Variants in ZNF385D observed in about 807,000 individuals in gnomAD.
ZNF385D encodes zinc finger protein 659.
Under a neutral mutation model 35.8 loss-of-function variants are expected in ZNF385D, and 15 were observed. The ratio of observed to expected loss-of-function variants is 0.42; its 90% CI spans 0.28 to 0.64. The LOEUF (loss-of-function observed/expected upper bound fraction) is 0.64, where lower values mean the gene tolerates loss of function less well. Among genes scored for constraint, ZNF385D ranks in the 30% least tolerant of loss-of-function variants. ZNF385D has a pLI of 0.23. For missense variants in ZNF385D, 474 were observed against 494.6 expected (o/e 0.96, Z 0.39); for synonymous variants, 212 against 186.8 (o/e 1.13, Z -1.10).
intron 3 of ZNF385D, among the ~76,000 whole-genome samples, chr3:21,894,957 C>T (rs992648955): frequency 6.6e-6 from 1 of 151,904 alleles, no homozygotes. Context: ...AAATCACCAC[C>T]CAGCAAAACA....
At chr3:21,437,789 G>A (rs1404994195) in intron 4 of ZNF385D, among the ~76,000 whole-genome samples, 1 of 145,786 alleles carries the variant, frequency 6.9e-6, no homozygotes, top group Admixed American at 7.0e-5. Flanking sequence ...TATTTGCAAA[G>A]AGTTACAATT....
At chr3:21,553,852 A>T (rs1033287911) in intron 3 of ZNF385D, among the ~76,000 whole-genome samples, 1 of 152,158 alleles carries the variant, frequency 6.6e-6, no homozygotes, top group African/African-American at 2.4e-5. Context: ...CATCTCCTCC[A>T]TGAAAGGAGG....
chr3:21,566,297 TCTC>T (rs1314521650), intron 2 of ZNF385D, among the ~76,000 whole-genome samples: 14 of 152,168 alleles, frequency 9.2e-5, no homozygotes, highest in African/African-American at 3.1e-4. Context: ...AAGCTCAGCC[TCTC>T]CTCATTGTTT....
chr3:21,533,469 T>C (rs1023167056), intron 3 of ZNF385D, among the ~76,000 whole-genome samples: 5 of 152,124 alleles, frequency 3.3e-5, no homozygotes, highest in Non-Finnish European at 7.3e-5. Context: ...ATTAATCCTA[T>C]AGAACGAAAA....
At chr3:21,451,464 T>C (rs1224172796) in intron 4 of ZNF385D, among the ~76,000 whole-genome samples, 1 of 149,566 alleles carries the variant, frequency 6.7e-6, no homozygotes, top group Non-Finnish European at 1.5e-5. Flanking sequence ...CTTTTATGTC[T>C]CATTATTTTT....
At position 22,171,626 on chromosome 3, in the gene ZNF385D, C is replaced by G. The variant is rs555791428; in HGVS notation, c.107-2591G>C. ...GCACGGTGGCTCACGCCTGTAATCCCAGCACTTTGGGAGGCCGAGGCGGGT... is the reference window on the plus strand; with the variant it reads ...GCACGGTGGCTCACGCCTGTAATCCGAGCACTTTGGGAGGCCGAGGCGGGT... On this transcript the variant is annotated intron_variant, in intron 2 of 5. Transcript: ENST00000494108. Among the ~76,000 whole-genome samples the G allele has an allele frequency of 2.6e-5, 4 of 152,144 alleles. 1 individual carries two copies. The South Asian group carries it at 8.3e-4, about 32-fold the overall frequency.
rs1204680774 is a variant in ZNF385D, at chr3:21,737,460, T to TAC, written c.22+13434_22+13435insGT. On this transcript the variant is annotated intron_variant, in intron 1 of 7. Coordinates refer to ENST00000281523, the MANE Select transcript of ZNF385D (RefSeq NM_024697.3). ...ATTATATGTATAAACAAGAGGGGGA[T>TAC]ATATATACACACACACACACACACA... Among the ~76,000 whole-genome samples, 24 of 123,152 alleles carry TAC rather than the reference T, an allele frequency of 1.9e-4. No individual in the cohort carries two copies. In the South Asian group the frequency reaches 4.4e-3, roughly 23 times the overall value. The allele number at this position is 123,152 out of a possible 152,430, so 80.8% of individuals were successfully genotyped here. A position where few individuals can be genotyped will look rare whatever the true frequency, so the allele number is the denominator to read the frequency against.
At chr3:21,894,461 TCTTTC>T (rs562268338) in intron 3 of ZNF385D, among the ~76,000 whole-genome samples, 230 of 152,300 alleles carry the variant, frequency 1.5e-3, no homozygotes, top group Non-Finnish European at 2.1e-3. Context: ...TCTGATTTGC[TCTTTC>T]CTTTCTTTTG....
chr3:21,657,634 C>T (rs768645371), intron 2 of ZNF385D, among the ~76,000 whole-genome samples: 26 of 152,026 alleles, frequency 1.7e-4, no homozygotes, highest in Middle Eastern at 3.4e-3. Flanking sequence ...ACTGTATTTA[C>T]GACGGCATTT....
At chr3:22,000,827 T>C (rs1695795136) in intron 3 of ZNF385D, among the ~76,000 whole-genome samples, 1 of 150,294 alleles carries the variant, frequency 6.7e-6, no homozygotes, top group South Asian at 2.1e-4. Context: ...AAATTAAAAA[T>C]GAGTCTTTCC....
intron 3 of ZNF385D, among the ~76,000 whole-genome samples, chr3:21,877,464 A>G (rs776732014): frequency 2.6e-5 from 4 of 152,104 alleles, no homozygotes; most frequent in Non-Finnish European, 5.9e-5. Context: ...CAGCAGTGTC[A>G]CACACACTTT....
intron 2 of ZNF385D, among the ~76,000 whole-genome samples, chr3:22,223,114 T>C (rs1698357434): frequency 6.6e-6 from 1 of 152,170 alleles, no homozygotes. Flanking sequence ...AGAACTATGA[T>C]AATTATATTT....
chr3:22,258,333 A>G (rs960449550), intron 2 of ZNF385D, among the ~76,000 whole-genome samples: 1 of 151,858 alleles, frequency 6.6e-6, no homozygotes, highest in Non-Finnish European at 1.5e-5. Context: ...AATAAGCAGA[A>G]TAAGTGAAGA....
intron 1 of ZNF385D, among the ~76,000 whole-genome samples, chr3:21,677,142 G>A (rs540225322): frequency 4.6e-5 from 7 of 152,156 alleles, no homozygotes; most frequent in Non-Finnish European, 7.4e-5. Context: ...TGAAAGGGAC[G>A]CAAATAATCA....
At chr3:22,308,278 T>C (rs1389544718) in intron 2 of ZNF385D, among the ~76,000 whole-genome samples, 1 of 152,112 alleles carries the variant, frequency 6.6e-6, no homozygotes, top group Non-Finnish European at 1.5e-5. Flanking sequence ...AATTTTATAT[T>C]ATTAAAAAAT....
intron 4 of ZNF385D, among the ~76,000 whole-genome samples, chr3:21,468,791 G>A (rs1703694675): frequency 6.6e-6 from 1 of 151,770 alleles, no homozygotes; most frequent in Non-Finnish European, 1.5e-5. Flanking sequence ...GGGCGTAGTG[G>A]TGCGCCCATA....
chr3:21,537,838 A>AT (rs1466057501), intron 3 of ZNF385D, among the ~76,000 whole-genome samples: 10 of 152,194 alleles, frequency 6.6e-5, no homozygotes, highest in Middle Eastern at 6.8e-3. Context: ...CCATTAGAAG[A>AT]TTTTCAACAG....
chr3:22,327,450 C>T (rs1694731064), intron 2 of ZNF385D, among the ~76,000 whole-genome samples: 1 of 152,166 alleles, frequency 6.6e-6, no homozygotes. Flanking sequence ...AGTGGTGGTC[C>T]TAAATTTCAG....
intron 2 of ZNF385D, among the ~76,000 whole-genome samples, chr3:22,259,365 T>C (rs554134043): frequency 6.6e-6 from 1 of 151,842 alleles, no homozygotes; most frequent in East Asian, 2.0e-4. Flanking sequence ...TAGCAATTAT[T>C]AAGTCATTTT....
Sources: gnomAD v4.1 joint callset for allele counts (sites outside exome capture counted in the v4.1 genomes callset) on GRCh38, gnomAD v4.1.1 for gene constraint, MANE v1.5 for transcripts, NCBI Gene and HGNC (gene_info 2026-07-23, HGNC 2026-07-21) for gene names.